CPD: variants seen among roughly 807,000 people sequenced by gnomAD.
CPD encodes the protein carboxypeptidase D.
Under a neutral mutation model 138.3 loss-of-function variants are expected in CPD, and 69 were observed. That is an observed-to-expected ratio of 0.50 (90% confidence interval 0.41 to 0.61). The LOEUF (loss-of-function observed/expected upper bound fraction) is 0.61, where lower values mean the gene tolerates loss of function less well. CPD is among the 20% of genes least tolerant of loss of function. The pLI, the probability that CPD is intolerant of heterozygous loss-of-function variation, is 0.00. For synonymous variants in CPD, 651 were observed against 642.1 expected, an observed-to-expected ratio of 1.01 and a Z score of -0.21; for missense variants, 1,432 against 1,733.3, an observed-to-expected ratio of 0.83 and a Z score of 3.09.
At chr17:30,456,869 AGAAT>A (rs1913315135) in intron 17 of CPD, 1 of 197,680 alleles carries the variant, frequency 5.1e-6, no homozygotes, top group Non-Finnish European at 1.0e-5. Flanking sequence ...AAAAAAAAAA[AGAAT>A]GGAGTTTATG....
At chr17:30,457,180 C>T (rs1337063531) in intron 17 of CPD, among the ~76,000 whole-genome samples, 1 of 152,196 alleles carries the variant, frequency 6.6e-6, no homozygotes, top group Non-Finnish European at 1.5e-5. Flanking sequence ...CTTTCTGCCT[C>T]TATGAATTTG....
intron 2 of CPD, among the ~76,000 whole-genome samples, chr17:30,391,153 T>A (rs908990683): frequency 6.1e-5 from 6 of 97,854 alleles, no homozygotes; most frequent in Non-Finnish European, 1.2e-4. Flanking sequence ...TTTTTTTTTT[T>A]AATCACAGTG....
At position 30,379,000 on chromosome 17, in the gene CPD, A is replaced by T; in HGVS notation, c.20A>T (p.Glu7Val). 6.5e-7 allele frequency: 1 copy of T among 1,545,278 alleles called. No homozygotes were observed. Among genetic ancestry groups the T allele is most frequent in the Non-Finnish European group, 8.7e-7 (1 of 1,156,022 alleles). The change falls in exon 1 of 21, where the codon GAG becomes GTG. Residue 7 changes from glutamate (E) to valine (V), a missense_variant. Transcript: ENST00000225719. ...TGGAAGATGGCGAGCGGCCGGGACG[A>T]GCGGCCGCCTTGGCGGCTAGGGCGG... MASGRD[E>V]RPPWRLGRLL...
intron 6 of CPD, among the ~76,000 whole-genome samples, chr17:30,424,726 C>A (rs538480078): frequency 1.2e-4 from 18 of 152,162 alleles, no homozygotes; most frequent in Admixed American, 1.1e-3. Flanking sequence ...TCTCCTGGGG[C>A]GTTATAGTGT....
chr17:30,438,841 C>T (rs1472917785), intron 8 of CPD, 134 bp from the exon 9 acceptor site: 3 of 527,372 alleles, frequency 5.7e-6, no homozygotes, highest in Non-Finnish European at 1.0e-5. Flanking sequence ...TGCTCATAGC[C>T]CCACCCCACT....
chr17:30,427,616 G>A, intron 7 of CPD, 58 bp downstream of exon 7: 1 of 1,497,478 alleles, frequency 6.7e-7, no homozygotes. Flanking sequence ...GGAAATCCTG[G>A]TGGAATTTTA....
chr17:30,420,290 C>G (rs1454939737), intron 2 of CPD, among the ~76,000 whole-genome samples: 1 of 152,146 alleles, frequency 6.6e-6, no homozygotes, highest in Non-Finnish European at 1.5e-5. Flanking sequence ...TCTTTTTGCT[C>G]TTGCCACCTT....
At chr17:30,456,791 G>A (rs779836711) in intron 17 of CPD, 1 of 296,894 alleles carries the variant, frequency 3.4e-6, no homozygotes, top group Non-Finnish European at 6.4e-6. Flanking sequence ...GCAGTGAGTC[G>A]AGCCGAGATC....
intron 2 of CPD, among the ~76,000 whole-genome samples, chr17:30,403,845 C>CA (rs1268595315): frequency 7.9e-5 from 12 of 152,066 alleles, no homozygotes; most frequent in African/African-American, 2.7e-4. Flanking sequence ...CTTTAATCAC[C>CA]AAAAAACAAG....
chr17:30,446,479 T>C (rs1448599305), intron 12 of CPD, among the ~76,000 whole-genome samples: 1 of 152,224 alleles, frequency 6.6e-6, no homozygotes, highest in African/African-American at 2.4e-5. Flanking sequence ...TCCAGCTTCA[T>C]CCATGTCCCT....
At chr17:30,436,901 A>C (rs905602261) in intron 8 of CPD, among the ~76,000 whole-genome samples, 4 of 152,242 alleles carry the variant, frequency 2.6e-5, no homozygotes, top group African/African-American at 9.6e-5. Context: ...TAACAAACTG[A>C]TAAGTAGACA....
At position 30,379,085 on chromosome 17, in the gene CPD, G is replaced by T; in HGVS notation, c.105G>T (p.Lys35Asn). 6.4e-7 allele frequency: 1 copy of T among 1,560,088 alleles called. No homozygotes were observed. ...LGSSARAAHI[K>N]KAEATTTTTS... ...GCTCGGCCCGGGCGGCTCACATCAA[G>T]AAGGCGGAGGCGACTACCACAACTA... The change falls in exon 1 of 21, where the codon AAG becomes AAT. Residue 35 changes from lysine to asparagine, a missense_variant. This residue lies in a region of CPD where 484 missense variants were observed against 477.2 expected (regional missense o/e 1.01). Transcript: ENST00000225719. The surrounding 1 kb of genome is among the most constrained non-coding windows in gnomAD (Gnocchi z 7.0).
chr17:30,462,132 A>G, intron 19 of CPD, 70 bp downstream of exon 19: 1 of 1,364,388 alleles, frequency 7.3e-7, no homozygotes, highest in Middle Eastern at 1.9e-4. Context: ...TTATTTTGAA[A>G]CTCTTGTTAG....
At chr17:30,393,956 T>C (rs1381817675) in intron 2 of CPD, among the ~76,000 whole-genome samples, 2 of 151,912 alleles carry the variant, frequency 1.3e-5, no homozygotes, top group East Asian at 3.9e-4. Context: ...GGGCAACTGG[T>C]GAGACCTCAT....
At chr17:30,420,760 T>C in intron 2 of CPD, 81 bp from the exon 3 acceptor site, 1 of 1,292,048 alleles carries the variant, frequency 7.7e-7, no homozygotes, top group Admixed American at 2.1e-5. Flanking sequence ...CATCCAGAGA[T>C]GGCTGATTTA....
chr17:30,432,116 A>G (rs1762523819), intron 8 of CPD, among the ~76,000 whole-genome samples: 1 of 152,200 alleles, frequency 6.6e-6, no homozygotes, highest in Non-Finnish European at 1.5e-5. Flanking sequence ...TGGAACATAT[A>G]CATGTCAATT....
chr17:30,436,624 A>G (rs1912709267), intron 8 of CPD, among the ~76,000 whole-genome samples: 2 of 152,236 alleles, frequency 1.3e-5, no homozygotes, highest in Admixed American at 6.5e-5. Flanking sequence ...GAAAATATGC[A>G]TAGGCAAAGG....
At position 30,379,628 on chromosome 17, in the gene CPD, C is replaced by T. The variant is rs751905527; in HGVS notation, c.648C>T (p.Leu216=). The change falls in exon 1 of 21, where the codon CTC becomes CTT. Residue 216 remains leucine (L), a synonymous_variant. Transcript: ENST00000225719. This position sits in a 1 kb window ranked among gnomAD's most constrained non-coding sequence, Gnocchi z 7.0. ...GCGACAATAGTCGCGGCCGCGACCTCAACCGAAGCTTTCCCGACCAGTTTA... is the reference window on the plus strand; with the variant it reads ...GCGACAATAGTCGCGGCCGCGACCTTAACCGAAGCTTTCCCGACCAGTTTA... The part of the protein sequence containing the change: ...SGRDNSRGRD[L]NRSFPDQFST... 2.0e-6 allele frequency: 3 copies of T among 1,497,438 alleles called. No homozygotes were observed. Among genetic ancestry groups the T allele is most frequent in the Admixed American group, 2.7e-5 (1 of 37,724 alleles). The allele number at this position is 1,497,438 out of a possible 1,614,324, so 92.8% of individuals were successfully genotyped here. A position where few individuals can be genotyped will look rare whatever the true frequency, so the allele number is the denominator to read the frequency against.
chr17:30,407,483 TC>T (rs1362579593), intron 2 of CPD, among the ~76,000 whole-genome samples: 4 of 152,204 alleles, frequency 2.6e-5, no homozygotes, highest in Non-Finnish European at 5.9e-5. Flanking sequence ...ATCTATTGTT[TC>T]CTGACTTTTT....
Sources: allele counts gnomAD v4.1 joint callset (sites outside exome capture counted in the v4.1 genomes callset), GRCh38; gene constraint gnomAD v4.1.1; regional missense constraint gnomAD v4.1.1; non-coding constraint Gnocchi (gnomAD v3.1); transcripts MANE v1.5; gene names NCBI Gene and HGNC (gene_info 2026-07-23, HGNC 2026-07-21).